Variants in FOXP1 observed in about 807,000 individuals in gnomAD.
The protein encoded by FOXP1 is forkhead box protein P1.
In FOXP1, 15 loss-of-function variants were observed where a neutral mutation model predicts 98.2. That is an observed-to-expected ratio of 0.15 (90% confidence interval 0.10 to 0.24). The LOEUF (loss-of-function observed/expected upper bound fraction) is 0.24. Among genes scored for constraint, FOXP1 ranks in the 10% least tolerant of loss-of-function variants. The pLI is 1.00. For missense variants in FOXP1, 633 were observed against 848.5 expected, an observed-to-expected ratio of 0.75 and a Z score of 3.15; for synonymous variants, 371 against 314.5, an observed-to-expected ratio of 1.18 and a Z score of -1.90.
At chr3:71,405,551 T>A (rs1267832028) in intron 3 of FOXP1, among the ~76,000 whole-genome samples, 1 of 152,018 alleles carries the variant, frequency 6.6e-6, no homozygotes. Context: ...AGATGTTGGC[T>A]AGGAGGCCAG....
chr3:71,263,283 C>G (rs2069330105), intron 5 of FOXP1, among the ~76,000 whole-genome samples: 2 of 152,262 alleles, frequency 1.3e-5, no homozygotes, highest in South Asian at 4.1e-4. Context: ...TGTTTAAAAA[C>G]TAAAAGTAAA....
chr3:71,207,345 A>T (rs2064121100), intron 5 of FOXP1, among the ~76,000 whole-genome samples: 1 of 151,650 alleles, frequency 6.6e-6, no homozygotes, highest in Non-Finnish European at 1.5e-5. Flanking sequence ...GACACACTTC[A>T]CGTATCTCCC....
In FOXP1 at chr3:70,994,391, C is replaced by T. The variant is rs368624616; in HGVS notation, c.1063-6314G>A. Among the ~76,000 whole-genome samples the T allele has an allele frequency of 2.6e-5, 4 of 152,182 alleles. No individual in the cohort carries two copies. In the East Asian group the frequency reaches 5.8e-4, roughly 22 times the overall value. ...GTCACCCTATTTCGTGTTAAACAGA[C>T]AGATTAATTTTAAGAGCAATATATC... On this transcript the variant is annotated intron_variant, in intron 13 of 20. Coordinates refer to ENST00000649528, the MANE Select transcript of FOXP1 (RefSeq NM_001349338.3).
chr3:70,977,576 C>T, intron 16 of FOXP1, 67 bp downstream of exon 16: 1 of 1,334,622 alleles, frequency 7.5e-7, no homozygotes, highest in Non-Finnish European at 1.1e-6. Context: ...AAATCTACTT[C>T]ATCAATATAT....
Position 71,134,639 on chromosome 3 carries a change from C to A in FOXP1, c.181-22002G>T, listed in dbSNP as rs192351016. On this transcript the variant is annotated intron_variant, in intron 6 of 20. Transcript: ENST00000649528. ...AGCTGGGCAATTAAAGCCAAAGATA[C>A]ACCTTGTAAATGAGAACAGAGAAGC... is the stretch of plus-strand genomic sequence containing the variant. Among the ~76,000 whole-genome samples, 759 of 152,252 alleles carry A rather than the reference C, an allele frequency of 5.0e-3. 6 individuals carry two copies. The highest frequency in any genetic ancestry group is 0.017 in the African/African-American group (714 of 41,560).
intron 2 of FOXP1, among the ~76,000 whole-genome samples, chr3:71,499,976 T>G (rs2041213884): frequency 6.6e-6 from 1 of 152,234 alleles, no homozygotes; most frequent in African/African-American, 2.4e-5. Context: ...AATAAGCATC[T>G]GTCTTTAGCG....
intron 7 of FOXP1, among the ~76,000 whole-genome samples, chr3:71,092,506 A>T (rs2055987215): frequency 6.6e-6 from 1 of 152,150 alleles, no homozygotes; most frequent in Non-Finnish European, 1.5e-5. Flanking sequence ...TCCCCCTCAG[A>T]TTGAGGACAG....
At position 71,416,547 on chromosome 3, in the gene FOXP1, A is replaced by AACAC. The variant is rs55710900; in HGVS notation, c.-167-57307_-167-57304dup. 0.015 allele frequency among the ~76,000 whole-genome samples: 2,038 copies of AACAC among 136,814 alleles called. 85 individuals are homozygous for AACAC. The East Asian group carries it at 0.16, about 11-fold the overall frequency. 89.8% of individuals were successfully genotyped at this position (136,814 alleles called of 152,430 possible). A position where few individuals can be genotyped will look rare whatever the true frequency, so the allele number is the denominator to read the frequency against. On this transcript the variant is annotated intron_variant, in intron 3 of 20. Transcript: ENST00000649528. ...GCCACAGAACAAAACTCTGTCTCAA[A>AACAC]ACACACACACACACACACACACACA...
At chr3:71,269,051 T>C (rs1335320174) in intron 5 of FOXP1, among the ~76,000 whole-genome samples, 1 of 151,770 alleles carries the variant, frequency 6.6e-6, no homozygotes, top group Non-Finnish European at 1.5e-5. Flanking sequence ...CCACTACCCA[T>C]GCAGGCCCTT....
chr3:71,355,721 A>AC (rs2078107873), intron 4 of FOXP1, among the ~76,000 whole-genome samples: 1 of 152,190 alleles, frequency 6.6e-6, no homozygotes, highest in Non-Finnish European at 1.5e-5. Flanking sequence ...CCTGATAAGT[A>AC]CTACTATAGG....
At chr3:71,009,380 G>A (rs1340439239) in intron 12 of FOXP1, among the ~76,000 whole-genome samples, 1 of 152,042 alleles carries the variant, frequency 6.6e-6, no homozygotes, top group Non-Finnish European at 1.5e-5. Flanking sequence ...GTCAACGGCT[G>A]CTTTTGTACC....
At chr3:70,977,593 G>T in intron 16 of FOXP1, 50 bp downstream of exon 16, 1 of 1,395,734 alleles carries the variant, frequency 7.2e-7, no homozygotes, top group Non-Finnish European at 1.0e-6. Flanking sequence ...ATATATCCAT[G>T]TACACATATA....
chr3:71,033,105 G>T lies in FOXP1; in HGVS notation c.869+8223C>A, dbSNP rs1426723752. Among the ~76,000 whole-genome samples, 3 of 152,140 alleles carry T rather than the reference G, an allele frequency of 2.0e-5. No homozygotes were observed. In the East Asian group the frequency reaches 5.8e-4, roughly 29 times the overall value. On this transcript the variant is annotated intron_variant, in intron 11 of 20. Transcript: ENST00000649528. ...CTCACACCCCTGGTGTGGAATAAATGTTAAGGAAAGCTAAGACACAATTGG... is the reference window on the plus strand; with the variant it reads ...CTCACACCCCTGGTGTGGAATAAATTTTAAGGAAAGCTAAGACACAATTGG...
chr3:71,476,308 T>TG (rs1285255565), intron 3 of FOXP1, among the ~76,000 whole-genome samples: 7 of 152,044 alleles, frequency 4.6e-5, no homozygotes, highest in African/African-American at 1.7e-4. Context: ...TCTTTTTTTT[T>TG]TTTTTGTTTT....
At chr3:71,330,957 G>A (rs1379731860) in intron 4 of FOXP1, among the ~76,000 whole-genome samples, 1 of 152,254 alleles carries the variant, frequency 6.6e-6, no homozygotes, top group African/African-American at 2.4e-5. Flanking sequence ...CCCAGTGAGA[G>A]GTGACAGCGT....
intron 3 of FOXP1, among the ~76,000 whole-genome samples, chr3:71,415,417 A>G (rs1249332010): frequency 6.6e-6 from 1 of 152,250 alleles, no homozygotes; most frequent in Non-Finnish European, 1.5e-5. Flanking sequence ...TACAATGTAG[A>G]CATAAAAACA....
At chr3:71,277,671 C>T (rs1182660606) in intron 5 of FOXP1, among the ~76,000 whole-genome samples, 1 of 152,036 alleles carries the variant, frequency 6.6e-6, no homozygotes, top group Non-Finnish European at 1.5e-5. Context: ...GAGGACTGGA[C>T]ATTAGTTGCT....
At chr3:71,206,067 A>G (rs2064011988) in intron 5 of FOXP1, among the ~76,000 whole-genome samples, 1 of 152,242 alleles carries the variant, frequency 6.6e-6, no homozygotes, top group South Asian at 2.1e-4. Flanking sequence ...TAATAAGAAT[A>G]ATAAATAAAT....
chr3:71,040,009 T>C (rs570099259), intron 11 of FOXP1, among the ~76,000 whole-genome samples: 43 of 152,228 alleles, frequency 2.8e-4, no homozygotes, highest in Admixed American at 1.0e-3. Flanking sequence ...GAAGGATAGT[T>C]GAAAATTTTA....
Sources: gnomAD v4.1 joint callset for allele counts (sites outside exome capture counted in the v4.1 genomes callset) on GRCh38, gnomAD v4.1.1 for gene constraint, MANE v1.5 for transcripts, NCBI Gene and HGNC (gene_info 2026-07-23, HGNC 2026-07-21) for gene names.